The following RBFOX1 variants were observed in gnomAD, a reference collection of about 807,000 sequenced individuals.
RBFOX1 encodes RNA binding fox-1 homolog 1, also known as RNA binding protein fox-1 homolog 1.
In RBFOX1, 8 loss-of-function variants were observed where a neutral mutation model predicts 57.7. The ratio of observed to expected loss-of-function variants is 0.14; its 90% CI spans 0.08 to 0.25. The LOEUF (loss-of-function observed/expected upper bound fraction) is 0.25. RBFOX1 is among the 10% of genes least tolerant of loss of function. RBFOX1 has a pLI of 1.00. For missense variants in RBFOX1, 611 were observed against 548.5 expected (o/e 1.11, Z -1.14); for synonymous variants, 326 against 222.4 (o/e 1.47, Z -4.15).
chr16:7,362,283 G>A (rs894035320), intron 4 of RBFOX1, among the ~76,000 whole-genome samples: 2 of 131,120 alleles, frequency 1.5e-5, no homozygotes, highest in Non-Finnish European at 3.2e-5. Context: ...GTGTATGTTA[G>A]TATGTGTATG....
At chr16:6,818,631 T>G (rs1166211496) in intron 3 of RBFOX1, among the ~76,000 whole-genome samples, 3 of 152,192 alleles carry the variant, frequency 2.0e-5, no homozygotes, top group African/African-American at 7.2e-5. Flanking sequence ...GCACCTGTGA[T>G]GAATAGCTGC....
At position 6,903,524 on chromosome 16, in the gene RBFOX1, C is replaced by T. The variant is rs369946087; in HGVS notation, c.-15-148533C>T. On this transcript the variant is annotated intron_variant, in intron 3 of 15. Transcript: ENST00000550418. ...AAATAAATACATGATGTGGGGGAAG[C>T]ACTTCAATAGGATGTGAGCTCGGAG... is the stretch of plus-strand genomic sequence containing the variant. Among the ~76,000 whole-genome samples, 6 of 152,270 alleles carry T rather than the reference C, an allele frequency of 3.9e-5. No individual in the cohort carries two copies. The East Asian group carries it at 5.8e-4, about 15-fold the overall frequency.
At chr16:6,305,060 G>A (rs973409487) in intron 1 of RBFOX1, among the ~76,000 whole-genome samples, 3 of 152,130 alleles carry the variant, frequency 2.0e-5, no homozygotes, top group Admixed American at 6.5e-5. Flanking sequence ...GTGTGTGAGA[G>A]CTAATCACAG....
At chr16:7,155,147 T>G (rs2076835063) in intron 4 of RBFOX1, among the ~76,000 whole-genome samples, 1 of 152,166 alleles carries the variant, frequency 6.6e-6, no homozygotes, top group Non-Finnish European at 1.5e-5. Flanking sequence ...GCCTACAGAT[T>G]TTTGAAGAGG....
chr16:7,023,206 G>C (rs1320199311), intron 3 of RBFOX1, among the ~76,000 whole-genome samples: 1 of 152,054 alleles, frequency 6.6e-6, no homozygotes, highest in Non-Finnish European at 1.5e-5. Context: ...GCTGGGCATG[G>C]TAGCTCATGA....
At chr16:7,693,067 C>T (rs1033444865) in intron 14 of RBFOX1, among the ~76,000 whole-genome samples, 5 of 152,078 alleles carry the variant, frequency 3.3e-5, no homozygotes, top group Non-Finnish European at 5.9e-5. Context: ...TTTGGTAACA[C>T]ATAGTATTAA....
chr16:6,661,740 C>T (rs2098702904), intron 3 of RBFOX1, among the ~76,000 whole-genome samples: 1 of 152,158 alleles, frequency 6.6e-6, no homozygotes, highest in South Asian at 2.1e-4. Context: ...GGCTGGGTTG[C>T]CCCTTCCTTG....
chr16:6,071,901 A>G (rs1005446773), intron 1 of RBFOX1, among the ~76,000 whole-genome samples: 1 of 152,202 alleles, frequency 6.6e-6, no homozygotes, highest in African/African-American at 2.4e-5. Context: ...AAATGTACAA[A>G]TGTCAGGATT....
At chr16:7,286,394 A>C (rs1870888028) in intron 4 of RBFOX1, among the ~76,000 whole-genome samples, 1 of 151,876 alleles carries the variant, frequency 6.6e-6, no homozygotes, top group Non-Finnish European at 1.5e-5. Flanking sequence ...ATCTTGTGAA[A>C]ATGCTCAAAA....
intron 1 of RBFOX1, among the ~76,000 whole-genome samples, chr16:5,373,945 CTTACTCTTG>C: frequency 6.6e-6 from 1 of 151,226 alleles, no homozygotes; most frequent in African/African-American, 2.4e-5. Flanking sequence ...GAGATGGAGT[CTTACTCTTG>C]TCACCCAGGC....
intron 3 of RBFOX1, among the ~76,000 whole-genome samples, chr16:6,842,599 G>T (rs1030821557): frequency 6.8e-6 from 1 of 146,944 alleles, no homozygotes; most frequent in Non-Finnish European, 1.5e-5. Context: ...CTTAATTTAT[G>T]TATCCAGTTT....
At chr16:7,516,269 C>G (rs1013078574) in intron 4 of RBFOX1, among the ~76,000 whole-genome samples, 19 of 152,240 alleles carry the variant, frequency 1.2e-4, no homozygotes, top group African/African-American at 4.1e-4. Context: ...AGTGGTGTGA[C>G]TAGGGCTTAA....
chr16:7,697,999 T>G (rs1405018342), intron 14 of RBFOX1, among the ~76,000 whole-genome samples: 2 of 152,132 alleles, frequency 1.3e-5, no homozygotes, highest in African/African-American at 4.8e-5. Flanking sequence ...AGGGAGCAGA[T>G]GTCAGGTCAG....
intron 4 of RBFOX1, among the ~76,000 whole-genome samples, chr16:7,339,410 C>G (rs2096851517): frequency 6.6e-6 from 1 of 152,174 alleles, no homozygotes; most frequent in East Asian, 1.9e-4. Context: ...CTGTATTATT[C>G]TGGAGAGAGA....
chr16:7,199,954 A>G (rs2087882223), intron 4 of RBFOX1, among the ~76,000 whole-genome samples: 1 of 152,148 alleles, frequency 6.6e-6, no homozygotes, highest in African/African-American at 2.4e-5. Flanking sequence ...AAAAGAACAA[A>G]CAACGTGTTG....
At chr16:7,489,042 T>C (rs1269953338) in intron 4 of RBFOX1, among the ~76,000 whole-genome samples, 2 of 152,220 alleles carry the variant, frequency 1.3e-5, no homozygotes, top group African/African-American at 4.8e-5. Flanking sequence ...TCTATCTTTA[T>C]AAAATCTTGC....
At chr16:6,109,897 G>A (rs183956473) in intron 1 of RBFOX1, among the ~76,000 whole-genome samples, 137 of 152,220 alleles carry the variant, frequency 9.0e-4, no homozygotes, top group Middle Eastern at 3.4e-3. Flanking sequence ...TTGTTGAACT[G>A]AATCAAATGC....
chr16:5,415,342 T>A (rs2067133586), intron 1 of RBFOX1, among the ~76,000 whole-genome samples: 1 of 152,182 alleles, frequency 6.6e-6, no homozygotes, highest in Non-Finnish European at 1.5e-5. Flanking sequence ...ACTCCCTTGC[T>A]ATCACGAGAA....
intron 3 of RBFOX1, among the ~76,000 whole-genome samples, chr16:6,947,313 G>A (rs1053650318): frequency 1.4e-4 from 22 of 152,160 alleles, no homozygotes; most frequent in African/African-American, 5.3e-4. Flanking sequence ...CAGGTAGGGT[G>A]TGATTTAACA....
Sources: allele counts gnomAD v4.1 joint callset (sites outside exome capture counted in the v4.1 genomes callset), GRCh38; gene constraint gnomAD v4.1.1; transcripts MANE v1.5; gene names NCBI Gene and HGNC (gene_info 2026-07-23, HGNC 2026-07-21).